SHANK2: variants seen among roughly 807,000 people sequenced by gnomAD.
SHANK2 encodes the protein SH3 and multiple ankyrin repeat domains protein 2.
A neutral mutation model predicts 133.7 loss-of-function variants in SHANK2; 43 were observed. The ratio of observed to expected loss-of-function variants is 0.32; its 90% CI spans 0.25 to 0.41. SHANK2 has a LOEUF of 0.41. Ranked by LOEUF, SHANK2 falls within the 10% of genes least tolerant of loss-of-function variation. The probability of loss-of-function intolerance (pLI) is 1.00; values close to 1 mark genes in which losing one functional copy is unlikely to be tolerated. For synonymous variants in SHANK2, 1,017 were observed against 952.8 expected, an observed-to-expected ratio of 1.07 and a Z score of -1.24; for missense variants, 1,994 against 2,235.8, an observed-to-expected ratio of 0.89 and a Z score of 2.18.
intron 17 of SHANK2, among the ~76,000 whole-genome samples, chr11:70,567,714 C>A (rs912458348): frequency 3.3e-5 from 5 of 152,002 alleles, no homozygotes; most frequent in South Asian, 2.1e-4. Flanking sequence ...GAGAAGGCAG[C>A]GCCTACAAGC....
chr11:70,796,807 A>G (rs1303151420), intron 14 of SHANK2, among the ~76,000 whole-genome samples: 2 of 152,228 alleles, frequency 1.3e-5, no homozygotes, highest in Non-Finnish European at 2.9e-5. Context: ...AAAGGCTAAG[A>G]CTAGTGGGAT....
rs142805024 is a variant in SHANK2, at chr11:70,486,345, C to T, written c.3948G>A (p.Val1316=). ...SQQKSAGLLM[V]HTVDATKLDN... is the part of the protein sequence containing the mutation. ...CCAGCTTAGTGGCGTCCACGGTGTG[C>T]ACCATCAGCAGGCCAGCCGACTTCT... The change falls in exon 25 of 26, where the codon GTG becomes GTA. Residue 1316 remains valine, a synonymous_variant. Transcript: ENST00000601538. This position sits in a 1 kb window ranked among gnomAD's most constrained non-coding sequence, Gnocchi z 8.0. 32 of 1,613,784 alleles carry T rather than the reference C, an allele frequency of 2.0e-5. No homozygotes were observed. Among genetic ancestry groups the T allele is most frequent in the Non-Finnish European group, 2.6e-5 (31 of 1,180,044 alleles).
chr11:70,720,151 A>G (rs1040672394), intron 14 of SHANK2, among the ~76,000 whole-genome samples: 2 of 152,198 alleles, frequency 1.3e-5, no homozygotes, highest in African/African-American at 4.8e-5. Flanking sequence ...GCCCCTGGAC[A>G]CAGCTGCACC....
intron 8 of SHANK2, among the ~76,000 whole-genome samples, chr11:71,076,850 T>C (rs2135989001): frequency 6.6e-6 from 1 of 152,288 alleles, no homozygotes; most frequent in South Asian, 2.1e-4. Flanking sequence ...AGCTACCAAG[T>C]CCCAAGCTAG....
intron 14 of SHANK2, among the ~76,000 whole-genome samples, chr11:70,772,966 A>G (rs1947285613): frequency 6.6e-6 from 1 of 152,202 alleles, no homozygotes; most frequent in Non-Finnish European, 1.5e-5. Flanking sequence ...CCTGCTGTCA[A>G]TCTGGTTTCC....
chr11:71,214,157 C>T (rs1555119305), intron 2 of SHANK2, among the ~76,000 whole-genome samples: 2 of 152,168 alleles, frequency 1.3e-5, no homozygotes, highest in East Asian at 3.9e-4. Context: ...GCCTCCTGAC[C>T]AAACCCTGGG....
chr11:70,927,230 T>C (rs1481061857), intron 10 of SHANK2, among the ~76,000 whole-genome samples: 10 of 152,170 alleles, frequency 6.6e-5, no homozygotes, highest in African/African-American at 2.2e-4. Flanking sequence ...CTTCCCATAG[T>C]GTTAAAATAA....
chr11:70,577,119 A>G (rs1414181494), intron 17 of SHANK2, among the ~76,000 whole-genome samples: 9 of 152,202 alleles, frequency 5.9e-5, no homozygotes, highest in Non-Finnish European at 1.0e-4. Context: ...CTCTTCCCTC[A>G]GTCTGGATAC....
At chr11:70,612,014 G>A (rs1591647933) in intron 17 of SHANK2, among the ~76,000 whole-genome samples, 1 of 152,076 alleles carries the variant, frequency 6.6e-6, no homozygotes, top group Non-Finnish European at 1.5e-5. Context: ...TCACAGAAGG[G>A]GAGCGTCTTG....
chr11:70,702,287 C>A (rs1418541706), intron 14 of SHANK2, among the ~76,000 whole-genome samples: 3 of 151,302 alleles, frequency 2.0e-5, no homozygotes, highest in Non-Finnish European at 3.0e-5. Flanking sequence ...TCATCATCAC[C>A]ACCATCTTCT....
At chr11:70,674,084 T>C (rs61886405) in intron 15 of SHANK2, among the ~76,000 whole-genome samples, 8,898 of 152,198 alleles carry the variant, frequency 0.058, 351 homozygotes, top group Middle Eastern at 0.11. Context: ...ATCTGATTGT[T>C]AAACAGAGTC....
chr11:70,855,804 T>C (rs1555066705), intron 11 of SHANK2, among the ~76,000 whole-genome samples: 1 of 152,104 alleles, frequency 6.6e-6, no homozygotes, highest in Non-Finnish European at 1.5e-5. Flanking sequence ...ACTGCATGGA[T>C]TGTTGGATGA....
At chr11:71,060,598 C>T (rs1950976065) in intron 9 of SHANK2, among the ~76,000 whole-genome samples, 1 of 152,256 alleles carries the variant, frequency 6.6e-6, no homozygotes, top group Non-Finnish European at 1.5e-5. Context: ...GCTTCTGTCA[C>T]CTCTCACTAT....
chr11:70,661,448 T>G, intron 16 of SHANK2, 148 bp downstream of exon 16: 1 of 838,454 alleles, frequency 1.2e-6, no homozygotes, highest in Non-Finnish European at 1.9e-6. Context: ...CCAGGAAAAA[T>G]GCTTATTTAA....
intron 6 of SHANK2, among the ~76,000 whole-genome samples, chr11:71,104,097 C>G (rs1951766567): frequency 1.3e-5 from 2 of 152,206 alleles, no homozygotes; most frequent in South Asian, 4.2e-4. Context: ...AACTACCCAG[C>G]CTCAGGTATG....
chr11:70,601,985 C>A (rs2060503850), intron 17 of SHANK2, among the ~76,000 whole-genome samples: 2 of 152,230 alleles, frequency 1.3e-5, no homozygotes, highest in African/African-American at 2.4e-5. Flanking sequence ...AAGTTGAAAT[C>A]TAATTCCCAA....
intron 14 of SHANK2, among the ~76,000 whole-genome samples, chr11:70,784,343 G>GTTTTGTTTT (rs1947592345): frequency 2.3e-5 from 1 of 42,846 alleles, no homozygotes; most frequent in African/African-American, 7.9e-5. Flanking sequence ...ACACCGGCTA[G>GTTTTGTTTT]TTTTTTTTTT....
At chr11:71,087,956 C>T (rs1166445501) in intron 8 of SHANK2, among the ~76,000 whole-genome samples, 4 of 152,194 alleles carry the variant, frequency 2.6e-5, no homozygotes, top group African/African-American at 9.7e-5. Flanking sequence ...CAAAGAGACG[C>T]CTCTGTCCTG....
chr11:70,832,989 C>A (rs1555058997), intron 11 of SHANK2, among the ~76,000 whole-genome samples: 1 of 152,086 alleles, frequency 6.6e-6, no homozygotes, highest in East Asian at 1.9e-4. Flanking sequence ...GCAGAGCAGC[C>A]TGGCCAGCGT....
Sources: gnomAD v4.1 joint callset for allele counts (sites outside exome capture counted in the v4.1 genomes callset) on GRCh38, gnomAD v4.1.1 for gene constraint, Gnocchi (gnomAD v3.1) non-coding constraint, MANE v1.5 for transcripts, NCBI Gene and HGNC (gene_info 2026-07-23, HGNC 2026-07-21) for gene names.